ADAMTSL1: variants seen among roughly 807,000 people sequenced by gnomAD.
ADAMTSL1 encodes ADAMTS like 1, also known as ADAMTS-like protein 1.
A neutral mutation model predicts 201.8 loss-of-function variants in ADAMTSL1; 126 were observed. The ratio of observed to expected loss-of-function variants is 0.62; its 90% CI spans 0.54 to 0.72. The LOEUF (loss-of-function observed/expected upper bound fraction) is 0.72, where lower values mean the gene tolerates loss of function less well. ADAMTSL1 is among the 30% of genes least tolerant of loss of function. The pLI, the probability that ADAMTSL1 is intolerant of heterozygous loss-of-function variation, is 0.00. For missense variants in ADAMTSL1, 2,679 were observed against 2,277.8 expected, an observed-to-expected ratio of 1.18 and a Z score of -3.59; for synonymous variants, 1,121 against 903.4, an observed-to-expected ratio of 1.24 and a Z score of -4.32.
chr9:18,668,046 C>T (rs918291578), intron 9 of ADAMTSL1, among the ~76,000 whole-genome samples: 2 of 151,692 alleles, frequency 1.3e-5, no homozygotes, highest in African/African-American at 4.8e-5. Flanking sequence ...AAAAAAAAAA[C>T]TCAGTGTAAG....
intron 20 of ADAMTSL1, among the ~76,000 whole-genome samples, chr9:18,807,383 G>C (rs1366232551): frequency 6.6e-6 from 1 of 152,152 alleles, no homozygotes; most frequent in African/African-American, 2.4e-5. Context: ...GGTAGCTCAC[G>C]CCTGAAATCC....
intron 16 of ADAMTSL1, among the ~76,000 whole-genome samples, chr9:18,767,197 C>T (rs1820415705): frequency 6.6e-6 from 1 of 152,090 alleles, no homozygotes; most frequent in African/African-American, 2.4e-5. Context: ...TTTAAGTGGA[C>T]ATGTTGAGTA....
At chr9:18,088,771 A>G (rs1190543817) in intron 1 of ADAMTSL1, among the ~76,000 whole-genome samples, 2 of 152,204 alleles carry the variant, frequency 1.3e-5, no homozygotes, top group African/African-American at 4.8e-5. Context: ...TTGAAACCTT[A>G]GTACAATGTT....
chr9:18,025,066 TTTTAAGAAGTGTTG>T lies in ADAMTSL1; in HGVS notation c.87+118147_87+118160del, dbSNP rs145508599. ...TTTTTTTGGCCACCTGTATGTCTTC[TTTTAAGAAGTGTTG>T]TTCATTTCCTTCGCCTACTTTTTAA... is the stretch of plus-strand genomic sequence containing the variant. On this transcript the variant is annotated intron_variant, in intron 1 of 29. Coordinates refer to the ADAMTSL1 transcript ENST00000680146. 3.9e-4 allele frequency among the ~76,000 whole-genome samples: 60 copies of T among 152,236 alleles called. No individual in the cohort carries two copies. The East Asian group carries it at 9.5e-3, about 24-fold the overall frequency.
chr9:18,687,892 A>G (rs758990343), intron 13 of ADAMTSL1, among the ~76,000 whole-genome samples: 1 of 152,208 alleles, frequency 6.6e-6, no homozygotes, highest in Admixed American at 6.5e-5. Flanking sequence ...TGCACAAGAT[A>G]TAAATCCAGA....
At chr9:17,965,610 A>G (rs983167669) in intron 1 of ADAMTSL1, among the ~76,000 whole-genome samples, 16 of 152,210 alleles carry the variant, frequency 1.1e-4, no homozygotes, top group African/African-American at 3.4e-4. Flanking sequence ...GTATCCTTAA[A>G]GAAAGTTCCA....
intron 3 of ADAMTSL1, among the ~76,000 whole-genome samples, chr9:18,548,843 C>T (rs77225474): frequency 0.044 from 6,625 of 151,466 alleles, 186 homozygotes; most frequent in Non-Finnish European, 0.06. Context: ...ATTTGCAATT[C>T]AAAAATCTAG....
intron 1 of ADAMTSL1, among the ~76,000 whole-genome samples, chr9:18,080,432 A>G (rs901774923): frequency 6.6e-6 from 1 of 152,172 alleles, no homozygotes; most frequent in Non-Finnish European, 1.5e-5. Flanking sequence ...AGGAGTTGTG[A>G]TTCTATCTCC....
chr9:18,280,436 T>C (rs1338159855), intron 2 of ADAMTSL1, among the ~76,000 whole-genome samples: 1 of 151,778 alleles, frequency 6.6e-6, no homozygotes, highest in Non-Finnish European at 1.5e-5. Context: ...TTCTTTTTAA[T>C]CCTACTGGAG....
chr9:18,020,931 G>A (rs908934872), intron 1 of ADAMTSL1, among the ~76,000 whole-genome samples: 4 of 152,068 alleles, frequency 2.6e-5, no homozygotes, highest in African/African-American at 9.7e-5. Context: ...TATCCTTGGT[G>A]GTATAACTTC....
chr9:18,248,895 T>A (rs1831361125), intron 2 of ADAMTSL1, among the ~76,000 whole-genome samples: 1 of 152,190 alleles, frequency 6.6e-6, no homozygotes, highest in African/African-American at 2.4e-5. Flanking sequence ...AGCTTTTGAG[T>A]TGAGCAAAGA....
Position 18,770,693 on chromosome 9 carries a change from CCTT to C in ADAMTSL1, c.2312_2314del (p.Phe771del). On this transcript the variant is annotated inframe_deletion, in exon 17 of 29. Transcript: ENST00000380548. ...GGCAGCTTCCTGGAGCTTCCTGAGA[CCTT>C]CTGTTCAGCTTCAAAACCTGCCTGC... The C allele has an allele frequency of 6.2e-7, 1 of 1,613,788 alleles. No homozygotes were observed. The highest frequency in any genetic ancestry group is 8.5e-7 in the Non-Finnish European group (1 of 1,179,856).
At chr9:18,709,831 A>G (rs969285144) in intron 14 of ADAMTSL1, among the ~76,000 whole-genome samples, 4 of 152,146 alleles carry the variant, frequency 2.6e-5, no homozygotes, top group Non-Finnish European at 5.9e-5. Flanking sequence ...TAGCTGGGGG[A>G]ATACTTGACA....
intron 2 of ADAMTSL1, among the ~76,000 whole-genome samples, chr9:18,410,365 G>A (rs1818385978): frequency 6.6e-6 from 1 of 151,956 alleles, no homozygotes; most frequent in African/African-American, 2.4e-5. Flanking sequence ...CTCCCCTGAT[G>A]CTCTCCCACC....
intron 3 of ADAMTSL1, among the ~76,000 whole-genome samples, chr9:18,540,157 T>C (rs1820036269): frequency 6.6e-6 from 1 of 152,138 alleles, no homozygotes; most frequent in African/African-American, 2.4e-5. Context: ...GTCAACAATA[T>C]CCACTGGGAT....
intron 11 of ADAMTSL1, 53 bp downstream of exon 11, chr9:18,680,569 C>T: frequency 1.9e-6 from 3 of 1,590,700 alleles, no homozygotes; most frequent in Non-Finnish European, 2.6e-6. Context: ...ACTCTTCCCT[C>T]TCATCATCAT....
chr9:18,126,059 G>T (rs750923783), intron 1 of ADAMTSL1, among the ~76,000 whole-genome samples: 6 of 152,146 alleles, frequency 3.9e-5, no homozygotes, highest in African/African-American at 9.6e-5. Context: ...TCATGGAGCT[G>T]ACACATCACT....
intron 2 of ADAMTSL1, among the ~76,000 whole-genome samples, chr9:18,369,746 C>G (rs1836957624): frequency 1.3e-5 from 2 of 152,124 alleles, no homozygotes; most frequent in South Asian, 2.1e-4. Flanking sequence ...TGGAATCAAC[C>G]TAAGTGTCCA....
intron 1 of ADAMTSL1, among the ~76,000 whole-genome samples, chr9:18,123,567 T>C (rs72699444): frequency 0.051 from 7,770 of 152,272 alleles, 255 homozygotes; most frequent in East Asian, 0.16. Flanking sequence ...CACCTTTCCT[T>C]CAGAGATCTC....
Sources: allele counts gnomAD v4.1 joint callset (sites outside exome capture counted in the v4.1 genomes callset), GRCh38; gene constraint gnomAD v4.1.1; transcripts MANE v1.5; gene names NCBI Gene and HGNC (gene_info 2026-07-23, HGNC 2026-07-21).